Variants in TTBK2 observed in about 807,000 individuals in gnomAD.
The protein encoded by TTBK2 is tau-tubulin kinase 2.
TTBK2 carries 28 observed loss-of-function variants against 110.8 expected under a neutral mutation model. The observed-to-expected ratio is 0.25, with a 90% confidence interval of 0.19 to 0.35. TTBK2 has a LOEUF of 0.35. TTBK2 is among the 10% of genes least tolerant of loss of function. The probability of loss-of-function intolerance (pLI) is 1.00; values close to 1 mark genes in which losing one functional copy is unlikely to be tolerated. For synonymous variants in TTBK2, 532 were observed against 527.3 expected (o/e 1.01, Z -0.12); for missense variants, 1,369 against 1,500.3 (o/e 0.91, Z 1.45).
chr15:42,914,180 A>G (rs2030956326), intron 1 of TTBK2, among the ~76,000 whole-genome samples: 1 of 151,776 alleles, frequency 6.6e-6, no homozygotes, highest in Non-Finnish European at 1.5e-5. Flanking sequence ...GTTTCACCAT[A>G]TTGGCCAGGC....
intron 1 of TTBK2, among the ~76,000 whole-genome samples, chr15:42,919,216 A>G (rs1383068229): frequency 6.6e-6 from 1 of 152,134 alleles, no homozygotes; most frequent in Non-Finnish European, 1.5e-5. Context: ...ACATTTTTTG[A>G]CTTCAGACAA....
chr15:42,844,037 C>T (rs1397840105), intron 3 of TTBK2, among the ~76,000 whole-genome samples: 1 of 152,058 alleles, frequency 6.6e-6, no homozygotes, highest in Non-Finnish European at 1.5e-5. Context: ...CTCAGGGAGG[C>T]AGATTTGAGA....
chr15:42,794,033 A>G (rs1166586000), intron 10 of TTBK2, among the ~76,000 whole-genome samples: 1 of 149,846 alleles, frequency 6.7e-6, no homozygotes, highest in African/African-American at 2.4e-5. Flanking sequence ...CTTCTGCCTC[A>G]GCATTTTGGG....
At chr15:42,919,682 G>C (rs1481113634) in intron 1 of TTBK2, 2 of 393,602 alleles carry the variant, frequency 5.1e-6, no homozygotes, top group Non-Finnish European at 6.9e-6. Context: ...AGCGATGAGA[G>C]AGAAGAGTTA....
chr15:42,812,412 T>C (rs1269450378), intron 7 of TTBK2, among the ~76,000 whole-genome samples: 1 of 152,216 alleles, frequency 6.6e-6, no homozygotes, highest in Non-Finnish European at 1.5e-5. Context: ...CTCATTTAGA[T>C]TTGGGGGTTA....
At chr15:42,773,207 A>G (rs991804540) in intron 13 of TTBK2, among the ~76,000 whole-genome samples, 2 of 152,158 alleles carry the variant, frequency 1.3e-5, no homozygotes, top group African/African-American at 4.8e-5. Flanking sequence ...AGCCTCTAAA[A>G]TAGAAATAAA....
intron 1 of TTBK2, among the ~76,000 whole-genome samples, chr15:42,883,501 T>C (rs1376165108): frequency 6.6e-6 from 1 of 151,878 alleles, no homozygotes; most frequent in East Asian, 1.9e-4. Flanking sequence ...TTATATAACA[T>C]TTAATATTTA....
chr15:42,739,154 A>G lies in TTBK2; in HGVS notation c.*6641T>C, dbSNP rs1390578739. 1 of 152,178 alleles carries G rather than the reference A, an allele frequency of 6.6e-6. No homozygotes were observed. Among genetic ancestry groups the G allele is most frequent in the Non-Finnish European group, 1.5e-5 (1 of 68,036 alleles). The allele number at this position is 152,178 out of a possible 1,614,324, so 9.4% of individuals were successfully genotyped here. ...AAAAGCACTCCATGTTTCTGCCGAT[A>G]CTCTGTCCTTGGTTGCCTGAGCAAA... On this transcript the variant is annotated 3_prime_UTR_variant, in exon 15 of 15. Coordinates refer to ENST00000267890, the MANE Select transcript of TTBK2 (RefSeq NM_173500.4).
intron 4 of TTBK2, among the ~76,000 whole-genome samples, chr15:42,832,551 A>G (rs1892802655): frequency 6.6e-6 from 1 of 152,196 alleles, no homozygotes; most frequent in Non-Finnish European, 1.5e-5. Context: ...CACCCTATAC[A>G]ATAGTCCATG....
intron 13 of TTBK2, among the ~76,000 whole-genome samples, chr15:42,756,865 C>T (rs1211575897): frequency 6.7e-6 from 1 of 149,372 alleles, no homozygotes; most frequent in African/African-American, 2.5e-5. Context: ...TACCCCACCT[C>T]AAAAAAAACA....
intron 9 of TTBK2, chr15:42,802,387 C>T (rs199605598): frequency 8.6e-5 from 65 of 756,332 alleles, no homozygotes; most frequent in Non-Finnish European, 5.1e-5. Flanking sequence ...GTAGGACTTC[C>T]GGGTCACCCT....
chr15:42,823,904 G>A (rs76330120), intron 6 of TTBK2, among the ~76,000 whole-genome samples: 7,864 of 152,052 alleles, frequency 0.052, 527 homozygotes, highest in African/African-American at 0.15. Context: ...TGTTTGGTTC[G>A]CAGTTCTGCA....
intron 10 of TTBK2, among the ~76,000 whole-genome samples, chr15:42,792,642 C>T (rs1890744526): frequency 1.3e-5 from 2 of 152,210 alleles, no homozygotes; most frequent in Admixed American, 1.3e-4. Context: ...ACCTTACATC[C>T]CATTGCTAAT....
rs747638637 is a variant in TTBK2, at chr15:42,752,722, C to T, written c.2524G>A (p.Glu842Lys). ...SVVPNQDKNN[E>K]IMKLLTVGTS... The stretch of plus-strand genomic sequence containing the variant: ...CCAACTGTCAGAAGCTTCATTATCT[C>T]ATTATTTTTGTCTTGATTTGGCACC... Residue 842 changes from glutamate to lysine, a missense_variant, in exon 14 of 15, where the codon GAG becomes AAG. Glu to Lys is a moderately conservative substitution (Grantham distance 56). This residue lies in a region of TTBK2 where 1,097 missense variants were observed against 1,114.7 expected (regional missense o/e 0.98). Transcript: ENST00000267890. 8.7e-6 allele frequency: 14 copies of T among 1,614,006 alleles called. No individual in the cohort carries two copies.
chr15:42,915,898 G>T (rs555625856), intron 1 of TTBK2, among the ~76,000 whole-genome samples: 1 of 151,826 alleles, frequency 6.6e-6, no homozygotes, highest in Non-Finnish European at 1.5e-5. Context: ...AGTGAGCTAC[G>T]ATCATGGCAC....
intron 6 of TTBK2, among the ~76,000 whole-genome samples, chr15:42,825,500 G>A (rs1892491525): frequency 6.6e-6 from 1 of 152,054 alleles, no homozygotes. Context: ...CCCTTGAGGT[G>A]AGGAGTTCAA....
chr15:42,849,494 ATTCT>A (rs1294828460), intron 3 of TTBK2, among the ~76,000 whole-genome samples: 2 of 152,026 alleles, frequency 1.3e-5, no homozygotes, highest in Non-Finnish European at 2.9e-5. Context: ...GATTTGTCTG[ATTCT>A]TTCTAAGCTG....
At chr15:42,783,826 C>G (rs971223217) in intron 10 of TTBK2, among the ~76,000 whole-genome samples, 191 bp from the exon 11 acceptor site, 6 of 151,188 alleles carry the variant, frequency 4.0e-5, no homozygotes, top group Admixed American at 1.3e-4. Context: ...TTTTGGGAGG[C>G]TGAGGCAGTC....
At chr15:42,914,897 T>C (rs1271267855) in intron 1 of TTBK2, among the ~76,000 whole-genome samples, 1 of 152,222 alleles carries the variant, frequency 6.6e-6, no homozygotes, top group Non-Finnish European at 1.5e-5. Context: ...CCCTTCATAA[T>C]ACCTGGAACA....
Sources: allele counts gnomAD v4.1 joint callset (sites outside exome capture counted in the v4.1 genomes callset), GRCh38; gene constraint gnomAD v4.1.1; regional missense constraint gnomAD v4.1.1; transcripts MANE v1.5; gene names NCBI Gene and HGNC (gene_info 2026-07-23, HGNC 2026-07-21).